The following ZC2HC1A variants were observed in gnomAD, a reference collection of about 807,000 sequenced individuals.
ZC2HC1A encodes zinc finger C2HC domain-containing protein 1A.
In ZC2HC1A, 28 loss-of-function variants were observed where a neutral mutation model predicts 40.7. The observed-to-expected ratio is 0.69, with a 90% CI of 0.51 to 0.94. ZC2HC1A has a LOEUF of 0.94. ZC2HC1A is among the 40% of genes least tolerant of loss of function. ZC2HC1A has a pLI of 0.00. For synonymous variants in ZC2HC1A, 129 were observed against 129.2 expected (o/e 1.00, Z 0.01); for missense variants, 389 against 386.3 (o/e 1.01, Z -0.06).
chr8:78,667,646 T>C (rs1180824275), intron 1 of ZC2HC1A, among the ~76,000 whole-genome samples: 1 of 152,174 alleles, frequency 6.6e-6, no homozygotes, highest in African/African-American at 2.4e-5. Context: ...ACTCAATAAA[T>C]ATTTGTTGTT....
chr8:78,689,362 C>G lies in ZC2HC1A; in HGVS notation c.493C>G (p.Arg165Gly). 1.9e-6 allele frequency: 3 copies of G among 1,587,686 alleles called. No individual in the cohort carries two copies. Among genetic ancestry groups the G allele is most frequent in the Non-Finnish European group, 2.6e-6 (3 of 1,168,296 alleles). Residue 165 changes from arginine (R) to glycine (G), a missense_variant, in exon 5 of 9, where the codon CGG (arginine) becomes GGG (glycine). Transcript: ENST00000263849. ...AGATACCAAAGGAAAACCAACTTCT[C>G]GGACACAGGTGGTAAGTTCAGTTTT... The part of the protein sequence containing the change: ...STDTKGKPTS[R>G]TQVYKPPALK...
chr8:78,717,263 C>T (rs767401870), intron 8 of ZC2HC1A, 65 bp from the exon 9 acceptor site: 108 of 1,417,246 alleles, frequency 7.6e-5, no homozygotes, highest in Non-Finnish European at 9.5e-5. Context: ...CCTGTTTCTC[C>T]AGGGTTATGG....
chr8:78,672,274 T>C (rs1159710268), intron 1 of ZC2HC1A, among the ~76,000 whole-genome samples: 1 of 152,162 alleles, frequency 6.6e-6, no homozygotes, highest in African/African-American at 2.4e-5. Context: ...TGATGATTAT[T>C]TTAATTGAGA....
At chr8:78,692,504 T>G (rs1487836377) in intron 5 of ZC2HC1A, among the ~76,000 whole-genome samples, 1 of 152,210 alleles carries the variant, frequency 6.6e-6, no homozygotes, top group Non-Finnish European at 1.5e-5. Context: ...CATGACATGG[T>G]AGGTAATATA....
chr8:78,673,000 A>C (rs1809476447), intron 1 of ZC2HC1A, among the ~76,000 whole-genome samples: 1 of 151,986 alleles, frequency 6.6e-6, no homozygotes, highest in Non-Finnish European at 1.5e-5. Context: ...TGCACCCATC[A>C]ACCTGTCATC....
intron 4 of ZC2HC1A, among the ~76,000 whole-genome samples, chr8:78,687,176 GA>G (rs1455667088): frequency 2.6e-5 from 4 of 151,542 alleles, no homozygotes; most frequent in Non-Finnish European, 5.9e-5. Context: ...CTGAGATACC[GA>G]AAAACTTAAA....
At chr8:78,682,073 G>T (rs1187127206) in intron 3 of ZC2HC1A, among the ~76,000 whole-genome samples, 1 of 151,464 alleles carries the variant, frequency 6.6e-6, no homozygotes, top group Non-Finnish European at 1.5e-5. Context: ...TTGACTTTGT[G>T]GATTCAACAC....
chr8:78,681,960 T>C (rs1199903954), intron 3 of ZC2HC1A, among the ~76,000 whole-genome samples: 1 of 151,582 alleles, frequency 6.6e-6, no homozygotes, highest in Non-Finnish European at 1.5e-5. Context: ...CAGGCTGGTG[T>C]TGAACTCCTG....
chr8:78,687,807 TG>T, intron 4 of ZC2HC1A, among the ~76,000 whole-genome samples: 1 of 136,450 alleles, frequency 7.3e-6, no homozygotes, highest in African/African-American at 2.7e-5. Context: ...TATATATTCA[TG>T]TAATAAATAT....
In ZC2HC1A at chr8:78,678,686, A is replaced by G. The variant is rs746296890; in HGVS notation, c.210+7A>G. 9 of 1,593,190 alleles carry G rather than the reference A, an allele frequency of 5.6e-6. No individual in the cohort carries two copies. The African/African-American group carries it at 6.8e-5, about 12-fold the overall frequency. On this transcript the variant is annotated splice_region_variant and intron_variant, in intron 3 of 8. Transcript: ENST00000263849. ...AAAACCTCTCAAACCGAGGGTAACTATATAACCTTTTGAACAGTATGAACT... is the reference window on the plus strand; with the variant it reads ...AAAACCTCTCAAACCGAGGGTAACTGTATAACCTTTTGAACAGTATGAACT...
At chr8:78,687,920 AT>A (rs1219432756) in intron 4 of ZC2HC1A, among the ~76,000 whole-genome samples, 2 of 125,792 alleles carry the variant, frequency 1.6e-5, no homozygotes, top group African/African-American at 5.6e-5. Flanking sequence ...TAAATATATA[AT>A]TATTTATATC....
chr8:78,703,884 T>C (rs1378183817), intron 7 of ZC2HC1A, among the ~76,000 whole-genome samples: 1 of 152,218 alleles, frequency 6.6e-6, no homozygotes, highest in Non-Finnish European at 1.5e-5. Flanking sequence ...GTATTACTGG[T>C]CTGTGTACCT....
intron 8 of ZC2HC1A, 78 bp downstream of exon 8, chr8:78,715,406 T>C: frequency 7.7e-7 from 1 of 1,300,456 alleles, no homozygotes; most frequent in Non-Finnish European, 1.0e-6. Context: ...TACACAAAAG[T>C]AAGTAACAAG....
At chr8:78,701,151 G>A (rs1810589670) in intron 7 of ZC2HC1A, among the ~76,000 whole-genome samples, 1 of 152,114 alleles carries the variant, frequency 6.6e-6, no homozygotes, top group Non-Finnish European at 1.5e-5. Context: ...ATTTATTTGT[G>A]TCATCTTTAA....
chr8:78,685,917 A>C (rs1349259221), intron 3 of ZC2HC1A: 1 of 152,416 alleles, frequency 6.6e-6, no homozygotes, highest in African/African-American at 2.4e-5. Flanking sequence ...GTCCAGGAGC[A>C]TAGTGCTAGC....
At chr8:78,717,169 G>A (rs1264425189) in intron 8 of ZC2HC1A, among the ~76,000 whole-genome samples, 159 bp from the exon 9 acceptor site, 1 of 152,072 alleles carries the variant, frequency 6.6e-6, no homozygotes, top group Non-Finnish European at 1.5e-5. Flanking sequence ...TAGAATTTTA[G>A]TATTTACTAA....
At chr8:78,667,129 C>T (rs774859116) in intron 1 of ZC2HC1A, among the ~76,000 whole-genome samples, 2 of 152,100 alleles carry the variant, frequency 1.3e-5, no homozygotes, top group Non-Finnish European at 2.9e-5. Flanking sequence ...TTGTTGCATG[C>T]CAGGGAGTAA....
intron 3 of ZC2HC1A, among the ~76,000 whole-genome samples, chr8:78,681,448 T>G (rs915671218): frequency 2.0e-5 from 3 of 152,092 alleles, no homozygotes; most frequent in Non-Finnish European, 2.9e-5. Flanking sequence ...TGTTAAAGAG[T>G]CAGTAATCTC....
At chr8:78,672,460 A>G (rs180831314) in intron 1 of ZC2HC1A, among the ~76,000 whole-genome samples, 97 of 152,276 alleles carry the variant, frequency 6.4e-4, no homozygotes, top group African/African-American at 2.2e-3. Context: ...GCTTTCTATT[A>G]TCTGGTGATA....
Sources: gnomAD v4.1 joint callset for allele counts (sites outside exome capture counted in the v4.1 genomes callset) on GRCh38, gnomAD v4.1.1 for gene constraint, MANE v1.5 for transcripts, NCBI Gene and HGNC (gene_info 2026-07-23, HGNC 2026-07-21) for gene names.